Variants in TTC19 observed in about 807,000 individuals in gnomAD.
The protein encoded by TTC19 is tetratricopeptide repeat domain 19.
A neutral mutation model predicts 49.5 loss-of-function variants in TTC19; 38 were observed. The ratio of observed to expected loss-of-function variants is 0.77; its 90% CI spans 0.59 to 1.01. TTC19 has a LOEUF of 1.01. Ranked by LOEUF, TTC19 falls within the 50% of genes least tolerant of loss-of-function variation. The pLI, the probability that TTC19 is intolerant of heterozygous loss-of-function variation, is 0.00. For synonymous variants in TTC19, 204 were observed against 185.2 expected, an observed-to-expected ratio of 1.10 and a Z score of -0.83; for missense variants, 475 against 477.7, an observed-to-expected ratio of 0.99 and a Z score of 0.05.
chr17:16,019,673 T>C (rs879890575), intron 7 of TTC19, among the ~76,000 whole-genome samples: 2 of 152,220 alleles, frequency 1.3e-5, no homozygotes, highest in Non-Finnish European at 2.9e-5. Flanking sequence ...GGTATAGTAG[T>C]CCATTGTAGA....
rs1212345249 is a variant in TTC19 at position 16,029,068 on chromosome 17, G to A, written c.*1546G>A. 2.2e-6 allele frequency: 1 copy of A among 452,690 alleles called. No homozygotes were observed. The highest frequency in any genetic ancestry group is 4.4e-6 in the Non-Finnish European group (1 of 226,432). 28.0% of individuals were successfully genotyped at this position (452,690 alleles called of 1,614,324 possible). The stretch of plus-strand genomic sequence containing the variant: ...CAGTAGAAACCAGTATTAACGTATG[G>A]TGATTTCTTAAAAAAATTAATGTCA... On this transcript the variant is annotated 3_prime_UTR_variant, in exon 10 of 10. Transcript: ENST00000261647.
chr17:16,027,770 T>C lies in TTC19; in HGVS notation c.*248T>C, dbSNP rs957428393. ...AAGTGATGCTTTCAGTTGTAACACGTGACTTGGTGCTGTCCCTGCTGGTCT... is the reference window on the plus strand; with the variant it reads ...AAGTGATGCTTTCAGTTGTAACACGCGACTTGGTGCTGTCCCTGCTGGTCT... On this transcript the variant is annotated 3_prime_UTR_variant, in exon 10 of 10. Transcript: ENST00000261647. 1 of 568,462 alleles carries C rather than the reference T, an allele frequency of 1.8e-6. No individual in the cohort carries two copies. Among genetic ancestry groups the C allele is most frequent in the African/African-American group, 1.8e-5 (1 of 54,128 alleles). The allele number at this position is 568,462 out of a possible 1,614,324, so 35.2% of individuals were successfully genotyped here. A position where few individuals can be genotyped will look rare whatever the true frequency, so the allele number is the denominator to read the frequency against.
At chr17:16,031,211 A>G (rs1971927188), downstream of TTC19, 1 of 199,948 alleles carries the variant, frequency 5.0e-6, no homozygotes, top group Non-Finnish European at 1.0e-5. Context: ...ATGCTGGTCC[A>G]TAGTGATGGG....
intron 7 of TTC19, chr17:16,023,396 T>C (rs1255093202): frequency 1.3e-5 from 2 of 152,230 alleles, no homozygotes; most frequent in Non-Finnish European, 2.9e-5. Flanking sequence ...TGCCACAAAA[T>C]ATCTCGCTTT....
intron 7 of TTC19, among the ~76,000 whole-genome samples, chr17:16,008,118 C>T (rs73978592): frequency 0.16 from 24,782 of 152,116 alleles, 4,538 homozygotes; most frequent in African/African-American, 0.45. Flanking sequence ...GTTTTCAGCC[C>T]TATTCTCTTT....
At chr17:16,032,297 C>A, downstream of TTC19, 1 of 1,610,072 alleles carries the variant, frequency 6.2e-7, no homozygotes, top group South Asian at 1.1e-5. Context: ...TTGTGCAGTT[C>A]AGTCATCACT....
At chr17:16,020,558 A>C (rs911667126) in intron 7 of TTC19, among the ~76,000 whole-genome samples, 8 of 152,250 alleles carry the variant, frequency 5.3e-5, no homozygotes, top group Admixed American at 4.6e-4. Context: ...TGACATCTCT[A>C]TATTGGGTTT....
chr17:16,005,145 A>G (rs1279209169), intron 6 of TTC19, among the ~76,000 whole-genome samples: 12 of 148,632 alleles, frequency 8.1e-5, no homozygotes, highest in East Asian at 1.9e-4. Context: ...GCTAGTAACA[A>G]TTAGCCTCTG....
intron 2 of TTC19, chr17:16,039,827 C>CG: frequency 1.6e-6 from 1 of 613,498 alleles, no homozygotes; most frequent in Non-Finnish European, 2.8e-6. Flanking sequence ...CTCTCTCTGT[C>CG]GCACCCAGGC....
chr17:16,028,358 T>G lies in TTC19; in HGVS notation c.*836T>G. 2.2e-6 allele frequency: 1 copy of G among 454,116 alleles called. No homozygotes were observed. Among genetic ancestry groups the G allele is most frequent in the Non-Finnish European group, 4.4e-6 (1 of 226,778 alleles). 28.1% of individuals were successfully genotyped at this position (454,116 alleles called of 1,614,324 possible). On this transcript the variant is annotated 3_prime_UTR_variant, in exon 10 of 10. Transcript: ENST00000261647. ...TACAGGTATATTTTAAAACTCTTCGTAATTCTAATGTGTACTGCTGGTATA... is the reference window on the plus strand; with the variant it reads ...TACAGGTATATTTTAAAACTCTTCGGAATTCTAATGTGTACTGCTGGTATA...
At chr17:16,012,625 G>A (rs954357308) in intron 7 of TTC19, among the ~76,000 whole-genome samples, 15 of 151,838 alleles carry the variant, frequency 9.9e-5, no homozygotes, top group Admixed American at 2.6e-4. Flanking sequence ...TGCAACCTCC[G>A]CCTCCTGGGT....
At position 16,034,628 on chromosome 17, in the gene TTC19, A is replaced by G; in HGVS notation, c.247+7926A>G. ...TCAAAAAAATACTTCTATTCGGGAA[A>G]GTGGAACATATTAATGATACAGAAA... is the stretch of plus-strand genomic sequence containing the variant. On this transcript the variant is annotated intron_variant, in intron 2 of 2. Coordinates refer to the TTC19 transcript ENST00000470649. The G allele has an allele frequency of 3.8e-6, 3 of 796,858 alleles. No homozygotes were observed. The East Asian group carries it at 7.5e-5, about 20-fold the overall frequency. The allele number at this position is 796,858 out of a possible 1,614,324, so 49.4% of individuals were successfully genotyped here. A position where few individuals can be genotyped will look rare whatever the true frequency, so the allele number is the denominator to read the frequency against.
intron 2 of TTC19, among the ~76,000 whole-genome samples, chr17:16,000,695 A>T (rs1232288277): frequency 6.6e-6 from 1 of 151,322 alleles, no homozygotes; most frequent in Non-Finnish European, 1.5e-5. Flanking sequence ...TTCCCAAGTT[A>T]TCTCATCTCT....
downstream of TTC19, chr17:16,032,627 G>T: frequency 1.4e-6 from 1 of 719,900 alleles, no homozygotes; most frequent in Non-Finnish European, 2.2e-6. Flanking sequence ...AACACGGAAT[G>T]GCCAAAGTCT....
intron 5 of TTC19, 85 bp from the exon 6 acceptor site, chr17:16,004,116 C>A: frequency 7.4e-7 from 1 of 1,354,980 alleles, no homozygotes; most frequent in Non-Finnish European, 1.1e-6. Flanking sequence ...GGCTTTGAGG[C>A]CACCGTCAGT....
chr17:16,007,318 T>C (rs991068865), intron 7 of TTC19, among the ~76,000 whole-genome samples: 1 of 152,230 alleles, frequency 6.6e-6, no homozygotes, highest in Non-Finnish European at 1.5e-5. Flanking sequence ...AATTTATAAG[T>C]TAGGCACAGT....
intron 2 of TTC19, chr17:16,034,762 T>A: frequency 1.2e-6 from 2 of 1,609,188 alleles, no homozygotes; most frequent in South Asian, 2.2e-5. Flanking sequence ...GCAGAATCCT[T>A]ACCTGTTGAA....
intron 7 of TTC19, among the ~76,000 whole-genome samples, chr17:16,017,509 C>T (rs1049807560): frequency 1.3e-5 from 2 of 150,974 alleles, no homozygotes. Flanking sequence ...CCTGTAATCC[C>T]AGCACTTTGG....
intron 7 of TTC19, among the ~76,000 whole-genome samples, chr17:16,013,818 T>A (rs1971142912): frequency 6.6e-6 from 1 of 152,260 alleles, no homozygotes; most frequent in Admixed American, 6.5e-5. Context: ...GACTGAATTA[T>A]CAGATATGCA....
Sources: allele counts gnomAD v4.1 joint callset (sites outside exome capture counted in the v4.1 genomes callset), GRCh38; gene constraint gnomAD v4.1.1; transcripts MANE v1.5; gene names NCBI Gene and HGNC (gene_info 2026-07-23, HGNC 2026-07-21).